The following POTEJ variants were observed in gnomAD, a reference collection of about 807,000 sequenced individuals.
The protein encoded by POTEJ is POTE ankyrin domain family member J.
A neutral mutation model predicts 69.0 loss-of-function variants in POTEJ; 11 were observed. The ratio of observed to expected loss-of-function variants is 0.16; its 90% CI spans 0.10 to 0.26. The LOEUF (loss-of-function observed/expected upper bound fraction) is 0.26. POTEJ is among the 10% of genes least tolerant of loss of function. The probability of loss-of-function intolerance (pLI) is 1.00; values close to 1 mark genes in which losing one functional copy is unlikely to be tolerated. For synonymous variants in POTEJ, 117 were observed against 381.1 expected (o/e 0.31, Z 8.07); for missense variants, 327 against 1,045.5 (o/e 0.31, Z 9.48).
intron 1 of POTEJ, among the ~76,000 whole-genome samples, chr2:130,613,343 T>TAC (rs1255298141): frequency 6.0e-5 from 8 of 132,900 alleles, no homozygotes; most frequent in African/African-American, 2.9e-5. Flanking sequence ...TATACATATA[T>TAC]ATGTGTGTGT....
Position 130,657,499 on chromosome 2 carries a change from C to T in POTEJ, c.2739C>T (p.Ile913=), listed in dbSNP as rs201866356. ...YELPDGQVIT[I]SNEWFRCPEA... ...TGCCCGATGGCCAGGTCATCACCAT[C>T]AGCAACGAGTGGTTCCGCTGCCCCG... The change falls in exon 15 of 15, where the codon ATC becomes ATT. Residue 913 remains isoleucine (I), a synonymous_variant. Transcript: ENST00000409602. The T allele has an allele frequency of 5.1e-6, 8 of 1,570,590 alleles. No individual in the cohort carries two copies. Among genetic ancestry groups the T allele is most frequent in the Non-Finnish European group, 7.0e-6 (8 of 1,149,642 alleles).
In POTEJ at chr2:130,611,495, G is replaced by C; in HGVS notation, c.-38G>C. 1.5e-6 allele frequency: 1 copy of C among 648,724 alleles called. No individual in the cohort carries two copies. The highest frequency in any genetic ancestry group is 2.7e-6 in the Non-Finnish European group (1 of 370,124). 40.2% of individuals were successfully genotyped at this position (648,724 alleles called of 1,614,324 possible). On this transcript the variant is annotated 5_prime_UTR_variant, in exon 1 of 15. Transcript: ENST00000409602. ...TGAAACTGGTTGGTAGACGTGATCTGCTCGCTACTACCGGCCTCCCCAGGC... is the reference window on the plus strand; with the variant it reads ...TGAAACTGGTTGGTAGACGTGATCTCCTCGCTACTACCGGCCTCCCCAGGC...
At chr2:130,640,874 A>G (rs1354102991) in intron 10 of POTEJ, among the ~76,000 whole-genome samples, 2 of 152,198 alleles carry the variant, frequency 1.3e-5, no homozygotes, top group Non-Finnish European at 2.9e-5. Context: ...AGGAATGGCT[A>G]TTGATAGGGA....
chr2:130,650,203 C>A lies in POTEJ; in HGVS notation c.1667+3893C>A, dbSNP rs1686759048. On this transcript the variant is annotated intron_variant, in intron 13 of 14. Transcript: ENST00000409602. ...GTCTTGACATCAACTCTGTTAACAT[C>A]ATCATTTTTTAGAGTCTTTGATGTA... Among the ~76,000 whole-genome samples the A allele has an allele frequency of 2.0e-5, 3 of 152,388 alleles. No homozygotes were observed. In the South Asian group the frequency reaches 6.2e-4, roughly 32 times the overall value.
At position 130,637,018 on chromosome 2, in the gene POTEJ, G is replaced by A. The variant is rs1403638976; in HGVS notation, c.1299-1601G>A. Among the ~76,000 whole-genome samples the A allele has an allele frequency of 4.0e-3, 572 of 144,754 alleles. 1 individual carries two copies. The highest frequency in any genetic ancestry group is 0.014 in the African/African-American group (534 of 38,070). The allele number at this position is 144,754 out of a possible 152,430, so 95.0% of individuals were successfully genotyped here. ...GGCATGAACCCGGGAGGCGGAGCTT[G>A]CAGTGAGCCGAGATCGTTGCACTGC... On this transcript the variant is annotated intron_variant, in intron 9 of 14. Coordinates refer to ENST00000409602, the MANE Select transcript of POTEJ (RefSeq NM_001277083.2).
In POTEJ at chr2:130,657,397, G is replaced by A. The variant is rs771814598; in HGVS notation, c.2637G>A (p.Leu879=). 1.3e-6 allele frequency: 2 copies of A among 1,589,854 alleles called. No individual in the cohort carries two copies. Among genetic ancestry groups the A allele is most frequent in the African/African-American group, 1.4e-5 (1 of 69,874 alleles). Residue 879 remains leucine, a synonymous_variant, in exon 15 of 15, where the codon CTG becomes CTA. Transcript: ENST00000409602. ...TCGTGCGTGACATCAAAGAGAAGCT[G>A]TGCTATGTTGCCCTGGACTTCGAGC... The part of the protein sequence containing the change: ...REIVRDIKEK[L]CYVALDFEQE...
At chr2:130,650,365 C>T (rs1321336772) in intron 13 of POTEJ, among the ~76,000 whole-genome samples, 9 of 152,352 alleles carry the variant, frequency 5.9e-5, no homozygotes, top group East Asian at 5.8e-4. Flanking sequence ...TCTCCTCTAA[C>T]GTACTGTGTA....
intron 3 of POTEJ, 26 bp from the exon 4 acceptor site, chr2:130,620,019 G>C: frequency 6.4e-7 from 1 of 1,564,726 alleles, no homozygotes; most frequent in Non-Finnish European, 8.7e-7. Context: ...GAATTACATA[G>C]GTTTTTGCTT....
intron 6 of POTEJ, among the ~76,000 whole-genome samples, chr2:130,626,920 A>G (rs1257457956): frequency 2.0e-5 from 3 of 152,150 alleles, no homozygotes; most frequent in Admixed American, 1.3e-4. Context: ...TTTTTTTTAA[A>G]TAAAAGCCAT....
intron 13 of POTEJ, among the ~76,000 whole-genome samples, chr2:130,650,127 A>G (rs1395763858): frequency 6.6e-6 from 1 of 152,282 alleles, no homozygotes; most frequent in African/African-American, 2.4e-5. Flanking sequence ...AATTGAGGGA[A>G]GTTTCAATGA....
intron 6 of POTEJ, among the ~76,000 whole-genome samples, chr2:130,627,319 A>T (rs1685747076): frequency 6.6e-6 from 1 of 150,466 alleles, no homozygotes; most frequent in Non-Finnish European, 1.5e-5. Flanking sequence ...TTGATGATAA[A>T]TGTCCATGTG....
intron 6 of POTEJ, among the ~76,000 whole-genome samples, chr2:130,624,462 A>G (rs1337942428): frequency 0.013 from 1,878 of 145,884 alleles, no homozygotes; most frequent in African/African-American, 0.049. Flanking sequence ...CACAACCTAG[A>G]TCCCTCAGAT....
rs568396899 is a variant in POTEJ at position 130,632,009 on chromosome 2, C to A, written c.1132-481C>A. On this transcript the variant is annotated intron_variant, in intron 8 of 14. Coordinates refer to ENST00000409602, the MANE Select transcript of POTEJ (RefSeq NM_001277083.2). ...CAAAGGCAGTGGGGGAGAAGAATATCTTAGCGCAGAAAAGGGCAAACTTCC... is the reference window on the plus strand; with the variant it reads ...CAAAGGCAGTGGGGGAGAAGAATATATTAGCGCAGAAAAGGGCAAACTTCC... Among the ~76,000 whole-genome samples, 5 of 143,960 alleles carry A rather than the reference C, an allele frequency of 3.5e-5. No individual in the cohort carries two copies. In the South Asian group the frequency reaches 1.1e-3, roughly 30 times the overall value. 94.4% of individuals were successfully genotyped at this position (143,960 alleles called of 152,430 possible). A position where few individuals can be genotyped will look rare whatever the true frequency, so the allele number is the denominator to read the frequency against.
intron 6 of POTEJ, among the ~76,000 whole-genome samples, chr2:130,629,275 T>C (rs1216272365): frequency 6.7e-6 from 1 of 149,308 alleles, no homozygotes; most frequent in Admixed American, 6.6e-5. Flanking sequence ...AGGGCTTGGC[T>C]TATGTAGGCA....
intron 8 of POTEJ, among the ~76,000 whole-genome samples, chr2:130,632,134 C>G (rs1244867223): frequency 1.3e-5 from 2 of 150,610 alleles, no homozygotes; most frequent in African/African-American, 5.0e-5. Flanking sequence ...GCATCTTTGT[C>G]TTTTTATTTG....
chr2:130,650,193 C>G (rs1686758311), intron 13 of POTEJ, among the ~76,000 whole-genome samples: 1 of 152,276 alleles, frequency 6.6e-6, no homozygotes, highest in Non-Finnish European at 1.5e-5. Flanking sequence ...GACATCAACT[C>G]TGTTAACATC....
rs770424133 is a variant in POTEJ at position 130,656,969 on chromosome 2, G to A, written c.2209G>A (p.Gly737Ser). 4.1e-5 allele frequency: 66 copies of A among 1,592,224 alleles called. No homozygotes were observed. Among genetic ancestry groups the A allele is most frequent in the Non-Finnish European group, 4.8e-5 (56 of 1,165,780 alleles). The change falls in exon 15 of 15, where the codon GGC (glycine) becomes AGC (serine). Residue 737 changes from glycine to serine, a missense_variant. Physicochemically the swap from Gly to Ser is moderately conservative, Grantham distance 56. Coordinates refer to ENST00000409602, the MANE Select transcript of POTEJ (RefSeq NM_001277083.2). Reference protein sequence around the residue: ...ILTLKYPMEHGIITNWDDMEK... With the variant: ...ILTLKYPMEHSIITNWDDMEK... ...GACCCTGAAGTACCCCATGGAACAC[G>A]GCATCATCACCAACTGGGATGACAT... is the stretch of plus-strand genomic sequence containing the variant.
chr2:130,630,968 T>C (rs1185915656), intron 7 of POTEJ, among the ~76,000 whole-genome samples: 1 of 144,062 alleles, frequency 6.9e-6, no homozygotes, highest in African/African-American at 2.8e-5. Context: ...GAAAAGCACT[T>C]CAGTGCACTG....
At chr2:130,613,394 A>G (rs1281803252) in intron 1 of POTEJ, among the ~76,000 whole-genome samples, 23 of 139,780 alleles carry the variant, frequency 1.6e-4, no homozygotes, top group African/African-American at 6.1e-4. Context: ...GTATATATAT[A>G]TATATATATA....
Sources: gnomAD v4.1 joint callset for allele counts (sites outside exome capture counted in the v4.1 genomes callset) on GRCh38, gnomAD v4.1.1 for gene constraint, MANE v1.5 for transcripts, NCBI Gene and HGNC (gene_info 2026-07-23, HGNC 2026-07-21) for gene names.